Variants in TNFRSF10D observed in about 807,000 individuals in gnomAD.
TNFRSF10D encodes tumor necrosis factor receptor superfamily member 10D.
A neutral mutation model predicts 42.1 loss-of-function variants in TNFRSF10D; 28 were observed. The observed-to-expected ratio is 0.66, with a 90% confidence interval of 0.49 to 0.91. The LOEUF (loss-of-function observed/expected upper bound fraction) is 0.91. TNFRSF10D is among the 40% of genes least tolerant of loss of function. The probability of loss-of-function intolerance (pLI) is 0.00; values close to 1 mark genes in which losing one functional copy is unlikely to be tolerated. For synonymous variants in TNFRSF10D, 186 were observed against 189.4 expected (o/e 0.98, Z 0.15); for missense variants, 503 against 486.1 (o/e 1.03, Z -0.33).
intron 1 of TNFRSF10D, among the ~76,000 whole-genome samples, chr8:23,161,562 G>A (rs556759366): frequency 1.3e-5 from 2 of 152,134 alleles, no homozygotes; most frequent in Non-Finnish European, 2.9e-5. Context: ...GTTCACAGCT[G>A]GGAATTCAGT....
intron 5 of TNFRSF10D, 23 bp from the exon 6 acceptor site, chr8:23,145,112 A>G (rs781618527): frequency 2.5e-6 from 4 of 1,613,892 alleles, no homozygotes; most frequent in Non-Finnish European, 3.4e-6. Context: ...CAGTCTCCTG[A>G]GCAGGCGGGG....
chr8:23,144,714 A>G, intron 6 of TNFRSF10D, 79 bp from the exon 7 acceptor site: 2 of 1,516,194 alleles, frequency 1.3e-6, no homozygotes, highest in Non-Finnish European at 1.8e-6. Flanking sequence ...TGGACCTGCC[A>G]TCCCCAACCC....
At chr8:23,157,030 CA>C (rs1243582168) in intron 1 of TNFRSF10D, among the ~76,000 whole-genome samples, 1 of 152,132 alleles carries the variant, frequency 6.6e-6, no homozygotes, top group African/African-American at 2.4e-5. Context: ...TAACGAGACA[CA>C]AATCACATAA....
intron 2 of TNFRSF10D, among the ~76,000 whole-genome samples, chr8:23,150,533 T>C (rs1800200331): frequency 6.6e-6 from 1 of 152,068 alleles, no homozygotes. Flanking sequence ...AGAAACAAAA[T>C]GAAGCACAAG....
chr8:23,142,491 T>C (rs1392239104), intron 7 of TNFRSF10D, among the ~76,000 whole-genome samples: 2 of 152,200 alleles, frequency 1.3e-5, no homozygotes, highest in Non-Finnish European at 2.9e-5. Context: ...TGAATTAATG[T>C]AGGAACGCAA....
chr8:23,139,095 A>G (rs1286361934), intron 7 of TNFRSF10D, among the ~76,000 whole-genome samples: 3 of 152,246 alleles, frequency 2.0e-5, no homozygotes, highest in African/African-American at 7.2e-5. Context: ...TGAAACTACA[A>G]TATTGAAATA....
intron 7 of TNFRSF10D, among the ~76,000 whole-genome samples, chr8:23,143,956 GT>G (rs147719476): frequency 1.3e-5 from 2 of 152,188 alleles, no homozygotes; most frequent in Non-Finnish European, 2.9e-5. Flanking sequence ...GGATGTGTGT[GT>G]TTCTGTAATA....
At position 23,136,446 on chromosome 8, in the gene TNFRSF10D, AG is replaced by A; in HGVS notation, c.*1423del. 5.7e-6 allele frequency: 1 copy of A among 176,024 alleles called. No individual in the cohort carries two copies. The highest frequency in any genetic ancestry group is 1.2e-4 in the South Asian group (1 of 8,370). 10.9% of individuals were successfully genotyped at this position (176,024 alleles called of 1,614,324 possible). ...CAGTTCACAGACCACCAGAAGCGAG[AG>A]GGGCCCATCCATGCCTGAGTCGGCA... On this transcript the variant is annotated 3_prime_UTR_variant, in exon 9 of 9. Coordinates refer to ENST00000312584, the MANE Select transcript of TNFRSF10D (RefSeq NM_003840.5).
chr8:23,162,134 T>C (rs1037333846), intron 1 of TNFRSF10D, among the ~76,000 whole-genome samples: 9 of 152,220 alleles, frequency 5.9e-5, no homozygotes, highest in Admixed American at 2.6e-4. Context: ...CCATAAAACA[T>C]CTAATGTGAT....
Position 23,155,478 on chromosome 8 carries a change from G to A in TNFRSF10D, c.151-499C>T, listed in dbSNP as rs561178337. Among the ~76,000 whole-genome samples the A allele has an allele frequency of 1.6e-4, 25 of 152,112 alleles. 1 individual carries two copies. In the South Asian group the frequency reaches 5.2e-3, roughly 32 times the overall value. On this transcript the variant is annotated intron_variant, in intron 1 of 8. Coordinates refer to ENST00000312584, the MANE Select transcript of TNFRSF10D (RefSeq NM_003840.5). ...CTCAGGCCTGTAATCACAGCACTTT[G>A]GGAGGCCAAAGTGGGTGGATCATGA...
At position 23,159,990 on chromosome 8, in the gene TNFRSF10D, G is replaced by C. The variant is rs145368754; in HGVS notation, c.150+3796C>G. Among the ~76,000 whole-genome samples the C allele has an allele frequency of 2.6e-3, 400 of 151,526 alleles. 3 individuals are homozygous for C. Among genetic ancestry groups the C allele is most frequent in the African/African-American group, 9.4e-3 (388 of 41,328 alleles). On this transcript the variant is annotated intron_variant, in intron 1 of 8. Transcript: ENST00000312584. ...GCTTCCCTCTATGACTCTCAATGGT[G>C]ACTCTAACCAAACACCATCCTCCAC...
At chr8:23,141,588 T>C (rs1398068959) in intron 7 of TNFRSF10D, among the ~76,000 whole-genome samples, 1 of 150,000 alleles carries the variant, frequency 6.7e-6, no homozygotes, top group African/African-American at 2.4e-5. Context: ...CTGACAAAGG[T>C]CTAATATTCA....
intron 1 of TNFRSF10D, 147 bp from the exon 2 acceptor site, chr8:23,155,126 G>A (rs1231586327): frequency 7.9e-6 from 5 of 629,148 alleles, no homozygotes; most frequent in Non-Finnish European, 1.1e-5. Flanking sequence ...TTTTGCATCC[G>A]TGTTTGTCCC....
chr8:23,136,348 G>C lies in TNFRSF10D; in HGVS notation c.*1522C>G, dbSNP rs746632048. The C allele has an allele frequency of 1.7e-4, 34 of 200,432 alleles. No individual in the cohort carries two copies. Among genetic ancestry groups the C allele is most frequent in the Non-Finnish European group, 3.3e-4 (32 of 97,918 alleles). The allele number at this position is 200,432 out of a possible 1,614,324, so 12.4% of individuals were successfully genotyped here. On this transcript the variant is annotated 3_prime_UTR_variant, in exon 9 of 9. Transcript: ENST00000312584. ...AGTCAGATGCTTACAGAGGGGCCAAGCTCCTCAAACAGGGAATCTGTACCC... is the reference window on the plus strand; with the variant it reads ...AGTCAGATGCTTACAGAGGGGCCAACCTCCTCAAACAGGGAATCTGTACCC...
chr8:23,154,298 T>C (rs373551608), intron 2 of TNFRSF10D, among the ~76,000 whole-genome samples: 921 of 152,242 alleles, frequency 6.0e-3, no homozygotes, highest in African/African-American at 0.019. Context: ...ATGTATTGTG[T>C]GACATGGTGA....
In TNFRSF10D at chr8:23,137,695, TA is replaced by T; in HGVS notation, c.*174del. 3 of 734,788 alleles carry T rather than the reference TA, an allele frequency of 4.1e-6. No homozygotes were observed. The highest frequency in any genetic ancestry group is 6.3e-6 in the Non-Finnish European group (3 of 475,566). 45.5% of individuals were successfully genotyped at this position (734,788 alleles called of 1,614,324 possible). Reference sequence around the variant, plus strand: ...TTTGCTTATCACACGCAGTATTTCATAAAAATTACTCCAAGTGCGTTAACAA... The same window carrying T: ...TTTGCTTATCACACGCAGTATTTCATAAAATTACTCCAAGTGCGTTAACAA... On this transcript the variant is annotated 3_prime_UTR_variant, in exon 9 of 9. Coordinates refer to ENST00000312584, the MANE Select transcript of TNFRSF10D (RefSeq NM_003840.5).
intron 1 of TNFRSF10D, among the ~76,000 whole-genome samples, chr8:23,156,572 T>C (rs1800283457): frequency 6.6e-6 from 1 of 152,036 alleles, no homozygotes; most frequent in Non-Finnish European, 1.5e-5. Context: ...TTTTTTTTTT[T>C]TTCTTTTTTG....
chr8:23,144,353 CT>C (rs1419410133), intron 7 of TNFRSF10D, 96 bp downstream of exon 7: 14 of 1,418,948 alleles, frequency 9.9e-6, no homozygotes, highest in Admixed American at 2.1e-5. Context: ...TCCATGTCCC[CT>C]TGGGCCAGGA....
At chr8:23,163,689 C>G (rs1179344583) in intron 1 of TNFRSF10D, 97 bp downstream of exon 1, 1 of 1,514,118 alleles carries the variant, frequency 6.6e-7, no homozygotes, top group African/African-American at 1.4e-5. Flanking sequence ...CCGCAGGCGA[C>G]CCGGGCCAAG....
Sources: gnomAD v4.1 joint callset for allele counts (sites outside exome capture counted in the v4.1 genomes callset) on GRCh38, gnomAD v4.1.1 for gene constraint, MANE v1.5 for transcripts, NCBI Gene and HGNC (gene_info 2026-07-23, HGNC 2026-07-21) for gene names.